The following CAD variants were observed in gnomAD, a reference collection of about 807,000 sequenced individuals.
The protein encoded by CAD is multifunctional protein CAD.
Under a neutral mutation model 237.2 loss-of-function variants are expected in CAD, and 81 were observed. That is an observed-to-expected ratio of 0.34 (90% CI 0.29 to 0.41). The LOEUF (loss-of-function observed/expected upper bound fraction) is 0.41, where lower values mean the gene tolerates loss of function less well. Among genes scored for constraint, CAD ranks in the 10% least tolerant of loss-of-function variants. The pLI, the probability that CAD is intolerant of heterozygous loss-of-function variation, is 1.00. For synonymous variants in CAD, 1,196 were observed against 1,162.8 expected, an observed-to-expected ratio of 1.03 and a Z score of -0.58; for missense variants, 2,181 against 2,951.7, an observed-to-expected ratio of 0.74 and a Z score of 6.05.
Position 27,239,141 on chromosome 2 carries a change from G to A in CAD, c.5162G>A (p.Gly1721Asp), listed in dbSNP as rs1217789124. 5 of 1,613,412 alleles carry A rather than the reference G, an allele frequency of 3.1e-6. No individual in the cohort carries two copies. Among genetic ancestry groups the A allele is most frequent in the Non-Finnish European group, 4.2e-6 (5 of 1,179,700 alleles). Residue 1721 changes from glycine (G) to aspartate (D), a missense_variant, in exon 32 of 44, where the codon GGC (glycine) becomes GAC (aspartate). Around this residue, in one of 12 missense-constraint regions of CAD, gnomAD observed 478 missense variants for 515.0 expected, o/e 0.93. Transcript: ENST00000264705. The surrounding 1 kb of genome is among the most constrained non-coding windows in gnomAD (Gnocchi z 4.0). ...LPLLLTAVSE[G>D]RLSLDDLLQR... Reference sequence around the variant, plus strand: ...CTACTCCTGACGGCTGTAAGCGAGGGCCGGCTCAGCCTGGACGACCTGCTG... The same window carrying A: ...CTACTCCTGACGGCTGTAAGCGAGGACCGGCTCAGCCTGGACGACCTGCTG...
Position 27,243,576 on chromosome 2 carries a change from T to C in CAD, c.*58T>C, listed in dbSNP as rs561878589. ...CCAGCTGCTGGGCAAGGAATTCCAG[T>C]GCCTCCTACGGGGGCAGCACACTTA... On this transcript the variant is annotated 3_prime_UTR_variant, in exon 44 of 44. Transcript: ENST00000264705. 107 of 1,259,032 alleles carry C rather than the reference T, an allele frequency of 8.5e-5. 2 individuals are homozygous for C. The South Asian group carries it at 1.2e-3, about 15-fold the overall frequency. The allele number at this position is 1,259,032 out of a possible 1,614,324, so 78.0% of individuals were successfully genotyped here. A position where few individuals can be genotyped will look rare whatever the true frequency, so the allele number is the denominator to read the frequency against.
chr2:27,221,420 ATCTGCTGGGACCTGAC>A (rs1383549302), intron 3 of CAD, 73 bp downstream of exon 3: 1 of 1,311,210 alleles, frequency 7.6e-7, no homozygotes, highest in East Asian at 2.8e-5. Flanking sequence ...GGTTTCTGTA[ATCTGCTGGGACCTGAC>A]TCTAAGATTG....
chr2:27,218,182 T>C (rs1674966890), intron 2 of CAD, among the ~76,000 whole-genome samples, 166 bp downstream of exon 2: 1 of 152,248 alleles, frequency 6.6e-6, no homozygotes, highest in Admixed American at 6.5e-5. Flanking sequence ...TTAGGGGTTG[T>C]TAAGTGCCTT....
intron 9 of CAD, 77 bp downstream of exon 9, chr2:27,224,567 G>T (rs918059520): frequency 1.9e-6 from 3 of 1,571,768 alleles, no homozygotes; most frequent in Non-Finnish European, 2.6e-6. Flanking sequence ...AAGGGCTAAG[G>T]TTGCAGGGAG....
At position 27,240,839 on chromosome 2, in the gene CAD, T is replaced by C; in HGVS notation, c.5594-72T>C. ...TTAACATATACACTGTGATTCAGAGTTCCTGGGAATATGGGGTTTCTTTCC... is the reference window on the plus strand; with the variant it reads ...TTAACATATACACTGTGATTCAGAGCTCCTGGGAATATGGGGTTTCTTTCC... On this transcript the variant is annotated intron_variant, in intron 35 of 43. Transcript: ENST00000264705. This position sits in a 1 kb window ranked among gnomAD's most constrained non-coding sequence, Gnocchi z 4.6. The C allele has an allele frequency of 2.0e-6, 3 of 1,527,152 alleles. No homozygotes were observed. In the South Asian group the frequency reaches 3.4e-5, roughly 17 times the overall value. The allele number at this position is 1,527,152 out of a possible 1,614,324, so 94.6% of individuals were successfully genotyped here. A position where few individuals can be genotyped will look rare whatever the true frequency, so the allele number is the denominator to read the frequency against.
intron 42 of CAD, 68 bp downstream of exon 42, chr2:27,243,041 G>C: frequency 7.1e-7 from 1 of 1,412,142 alleles, no homozygotes; most frequent in Non-Finnish European, 9.9e-7. Context: ...GGACAGAAAG[G>C]CTGGGCTGAG....
At chr2:27,219,123 G>C (rs1269108942) in intron 2 of CAD, among the ~76,000 whole-genome samples, 1 of 152,182 alleles carries the variant, frequency 6.6e-6, no homozygotes, top group Non-Finnish European at 1.5e-5. Context: ...GGTGGGAAAG[G>C]CCTCTTGGAG....
Position 27,240,073 on chromosome 2 carries a change from T to TC in CAD, c.5497-191dup. 1 of 609,560 alleles carries TC rather than the reference T, an allele frequency of 1.6e-6. No individual in the cohort carries two copies. The highest frequency in any genetic ancestry group is 2.8e-5 in the East Asian group (1 of 35,926). 37.8% of individuals were successfully genotyped at this position (609,560 alleles called of 1,614,324 possible). ...CTAGCCAACATGGTGAAACCCCATC[T>TC]CTACTAAAAATAAAAAAATTAGCCA... On this transcript the variant is annotated intron_variant, in intron 34 of 43. Coordinates refer to ENST00000264705, the MANE Select transcript of CAD (RefSeq NM_004341.5). The surrounding 1 kb of genome is among the most constrained non-coding windows in gnomAD (Gnocchi z 4.6).
chr2:27,230,838 G>A (rs1329066623), intron 15 of CAD, among the ~76,000 whole-genome samples: 1 of 152,150 alleles, frequency 6.6e-6, no homozygotes, highest in African/African-American at 2.4e-5. Flanking sequence ...AGTGGTTTGG[G>A]CCACTGTGAT....
chr2:27,222,673 G>A lies in CAD; in HGVS notation c.637+13G>A. The A allele has an allele frequency of 6.2e-7, 1 of 1,610,066 alleles. No individual in the cohort carries two copies. Among genetic ancestry groups the A allele is most frequent in the Non-Finnish European group, 8.5e-7 (1 of 1,176,922 alleles). On this transcript the variant is annotated intron_variant, in intron 5 of 43. Coordinates refer to ENST00000264705, the MANE Select transcript of CAD (RefSeq NM_004341.5). ...CTAGACAGCCAAGGTGAGTAGCTGG[G>A]GCCTGTTCAGGGCCTCAGACAAGCA...
At position 27,237,111 on chromosome 2, in the gene CAD, C is replaced by T. The variant is rs1488528001; in HGVS notation, c.4397-268C>T. On this transcript the variant is annotated intron_variant, in intron 27 of 43. Transcript: ENST00000264705. The surrounding 1 kb of genome is among the most constrained non-coding windows in gnomAD (Gnocchi z 4.0). ...TGATATCGGCTCACTGCAACCTCCG[C>T]CTCCCAGGTTCAAGCGATTTTCCTG... Among the ~76,000 whole-genome samples, 1 of 151,336 alleles carries T rather than the reference C, an allele frequency of 6.6e-6. No individual in the cohort carries two copies. Among genetic ancestry groups the T allele is most frequent in the Non-Finnish European group, 1.5e-5 (1 of 67,878 alleles).
In CAD at chr2:27,242,297, T is replaced by C. The variant is rs775889251; in HGVS notation, c.6097-5T>C. On this transcript the variant is annotated splice_polypyrimidine_tract_variant and splice_region_variant and intron_variant, in intron 39 of 43. Transcript: ENST00000264705. The surrounding 1 kb of genome is among the most constrained non-coding windows in gnomAD (Gnocchi z 6.4). ...CAAAAGACAGGATTTTCCCCTTTTT[T>C]CCAGCTGGCCGCCAAGCACTGCCGG... 1 of 1,604,944 alleles carries C rather than the reference T, an allele frequency of 6.2e-7. No homozygotes were observed. Among genetic ancestry groups the C allele is most frequent in the Non-Finnish European group, 8.5e-7 (1 of 1,173,432 alleles).
rs375699912 is a variant in CAD at position 27,233,962 on chromosome 2, G to A, written c.3400-46G>A. The A allele has an allele frequency of 4.1e-5, 64 of 1,578,460 alleles. No homozygotes were observed. The African/African-American group carries it at 6.6e-4, about 16-fold the overall frequency. ...GAAGAGACAATCCTAGAGTAAGTGA[G>A]AGAAGAAAGTGGCCCTATGTCCCAC... On this transcript the variant is annotated intron_variant, in intron 21 of 43. Transcript: ENST00000264705. This position sits in a 1 kb window ranked among gnomAD's most constrained non-coding sequence, Gnocchi z 6.3.
At chr2:27,229,939 C>T (rs1382945028) in intron 15 of CAD, among the ~76,000 whole-genome samples, 1 of 149,168 alleles carries the variant, frequency 6.7e-6, no homozygotes, top group East Asian at 2.0e-4. Context: ...GCAGATCATA[C>T]AAGAATTAAG....
intron 11 of CAD, among the ~76,000 whole-genome samples, 159 bp from the exon 12 acceptor site, chr2:27,225,546 T>TCCAC (rs1553367497): frequency 8.4e-6 from 1 of 119,300 alleles, no homozygotes; most frequent in Non-Finnish European, 1.6e-5. Flanking sequence ...CCTCAGGTGA[T>TCCAC]CCACCCCCCC....
chr2:27,221,042 C>T (rs931399819), intron 2 of CAD, among the ~76,000 whole-genome samples, 176 bp from the exon 3 acceptor site: 42 of 152,088 alleles, frequency 2.8e-4, no homozygotes, highest in Admixed American at 2.2e-3. Context: ...GGTTGTGTTT[C>T]GTATAGGAGA....
At position 27,239,289 on chromosome 2, in the gene CAD, C is replaced by T. The variant is rs1285218171; in HGVS notation, c.5254-42C>T. ...GCTCTCCAGCCCTAGGATATGTTCT[C>T]TGGGGATCCTTTCCCTAGCATAACC... is the stretch of plus-strand genomic sequence containing the variant. On this transcript the variant is annotated intron_variant, in intron 32 of 43. Transcript: ENST00000264705. This position sits in a 1 kb window ranked among gnomAD's most constrained non-coding sequence, Gnocchi z 4.0. The T allele has an allele frequency of 1.9e-6, 3 of 1,604,326 alleles. No homozygotes were observed. The highest frequency in any genetic ancestry group is 2.6e-6 in the Non-Finnish European group (3 of 1,172,180).
At chr2:27,238,020 T>A in intron 29 of CAD, 36 bp from the exon 30 acceptor site, 1 of 1,611,652 alleles carries the variant, frequency 6.2e-7, no homozygotes, top group African/African-American at 1.3e-5. Context: ...AGTCAGAGAT[T>A]CTGCACACTC....
chr2:27,224,235 C>G, intron 8 of CAD, 110 bp from the exon 9 acceptor site: 4 of 1,202,092 alleles, frequency 3.3e-6, no homozygotes, highest in Non-Finnish European at 1.2e-6. Flanking sequence ...TCTGCTCCTC[C>G]TGAGGTGCAT....
Sources: allele counts gnomAD v4.1 joint callset (sites outside exome capture counted in the v4.1 genomes callset), GRCh38; gene constraint gnomAD v4.1.1; regional missense constraint gnomAD v4.1.1; non-coding constraint Gnocchi (gnomAD v3.1); transcripts MANE v1.5; gene names NCBI Gene and HGNC (gene_info 2026-07-23, HGNC 2026-07-21).